Variants in LGR5 observed in about 807,000 individuals in gnomAD.
LGR5 encodes the protein leucine rich repeat containing G protein-coupled receptor 5.
In LGR5, 54 loss-of-function variants were observed where a neutral mutation model predicts 76.7. That is an observed-to-expected ratio of 0.70 (90% CI 0.57 to 0.88). The LOEUF (loss-of-function observed/expected upper bound fraction) is 0.88. Ranked by LOEUF, LGR5 falls within the 40% of genes least tolerant of loss-of-function variation. LGR5 has a pLI of 0.00. For missense variants in LGR5, 1,078 were observed against 1,073.3 expected, an observed-to-expected ratio of 1.00 and a Z score of -0.06; for synonymous variants, 406 against 421.9, an observed-to-expected ratio of 0.96 and a Z score of 0.46.
At chr12:71,560,022 C>A (rs747176308) in intron 7 of LGR5, among the ~76,000 whole-genome samples, 7 of 152,114 alleles carry the variant, frequency 4.6e-5, no homozygotes, top group Non-Finnish European at 7.3e-5. Context: ...AGAACTTGAA[C>A]ATTTCTGGGT....
chr12:71,479,821 A>G (rs1054877249), intron 1 of LGR5, among the ~76,000 whole-genome samples: 1 of 126,082 alleles, frequency 7.9e-6, no homozygotes, highest in African/African-American at 2.9e-5. Flanking sequence ...AACCAAGGTA[A>G]TGGAGGGATG....
chr12:71,493,881 A>G (rs1009482301), intron 1 of LGR5, among the ~76,000 whole-genome samples: 1 of 145,174 alleles, frequency 6.9e-6, no homozygotes, highest in Non-Finnish European at 1.5e-5. Flanking sequence ...TGATCCTCCC[A>G]TCTCGGCCTA....
At chr12:71,439,548 C>T (rs1480412310), upstream of LGR5, among the ~76,000 whole-genome samples, 4 of 152,032 alleles carry the variant, frequency 2.6e-5, no homozygotes, top group African/African-American at 7.2e-5. Flanking sequence ...GTCCCCTATT[C>T]CGGCGCGCGG....
At chr12:71,524,568 C>G in intron 3 of LGR5, 91 bp downstream of exon 3, 1 of 792,564 alleles carries the variant, frequency 1.3e-6, no homozygotes, top group South Asian at 1.7e-5. Flanking sequence ...CTCTAATACA[C>G]TATTTAAATC....
intron 13 of LGR5, among the ~76,000 whole-genome samples, chr12:71,576,302 G>C (rs1878854245): frequency 6.6e-6 from 1 of 152,162 alleles, no homozygotes; most frequent in African/African-American, 2.4e-5. Flanking sequence ...ATAGGTGTTG[G>C]CAGGGAGCAA....
At chr12:71,495,133 A>G (rs1360506535) in intron 1 of LGR5, among the ~76,000 whole-genome samples, 13 of 151,194 alleles carry the variant, frequency 8.6e-5, no homozygotes, top group Non-Finnish European at 4.4e-5. Flanking sequence ...GAAAATCTAA[A>G]GCACAGCAAA....
At chr12:71,566,381 A>G in intron 8 of LGR5, 23 bp from the exon 9 acceptor site, 1 of 1,470,352 alleles carries the variant, frequency 6.8e-7, no homozygotes, top group Non-Finnish European at 9.5e-7. Flanking sequence ...TAAGATATTA[A>G]TTGCTGTTTG....
chr12:71,481,864 A>G (rs1412416520), intron 1 of LGR5, among the ~76,000 whole-genome samples: 2 of 152,118 alleles, frequency 1.3e-5, no homozygotes, highest in African/African-American at 4.8e-5. Context: ...TTATGGAACC[A>G]TTAGGTGCAG....
intron 8 of LGR5, among the ~76,000 whole-genome samples, chr12:71,563,760 G>C (rs1160413691): frequency 6.6e-6 from 1 of 152,094 alleles, no homozygotes; most frequent in African/African-American, 2.4e-5. Context: ...ACATATGAGA[G>C]AGTTCCCTCC....
At chr12:71,498,935 C>T (rs536136674) in intron 1 of LGR5, among the ~76,000 whole-genome samples, 1 of 152,302 alleles carries the variant, frequency 6.6e-6, no homozygotes, top group Non-Finnish European at 1.5e-5. Context: ...GGTAAAGGCT[C>T]GCAGCAGTTC....
intron 3 of LGR5, among the ~76,000 whole-genome samples, chr12:71,527,265 A>G (rs915787282): frequency 6.6e-6 from 1 of 152,200 alleles, no homozygotes; most frequent in Non-Finnish European, 1.5e-5. Flanking sequence ...ATATTTTTAA[A>G]GTATTTTGGT....
At chr12:71,572,019 G>A (rs1302561637) in intron 12 of LGR5, among the ~76,000 whole-genome samples, 1 of 151,306 alleles carries the variant, frequency 6.6e-6, no homozygotes, top group African/African-American at 2.4e-5. Context: ...GCTACAGATG[G>A]TACTTATGCA....
chr12:71,447,422 T>C (rs1015913360), intron 1 of LGR5, among the ~76,000 whole-genome samples: 3 of 152,214 alleles, frequency 2.0e-5, no homozygotes, highest in Admixed American at 1.3e-4. Flanking sequence ...GAAAAAACAG[T>C]ACTGATGTTT....
rs571410614 is a variant in LGR5 at position 71,585,484 on chromosome 12, T to G, written c.*750T>G. 6.6e-6 allele frequency: 1 copy of G among 152,340 alleles called. No homozygotes were observed. The highest frequency in any genetic ancestry group is 2.1e-4 in the South Asian group (1 of 4,830). 9.4% of individuals were successfully genotyped at this position (152,340 alleles called of 1,614,324 possible). Reference sequence around the variant, plus strand: ...ACAGGTGACGTATGTCTTATCTGATTTGTTTTTAACTCCTTGGTGCCCAAA... The same window carrying G: ...ACAGGTGACGTATGTCTTATCTGATGTGTTTTTAACTCCTTGGTGCCCAAA... On this transcript the variant is annotated 3_prime_UTR_variant, in exon 18 of 18. Coordinates refer to ENST00000266674, the MANE Select transcript of LGR5 (RefSeq NM_003667.4).
At chr12:71,549,407 T>C (rs1188796175) in intron 4 of LGR5, among the ~76,000 whole-genome samples, 1 of 152,154 alleles carries the variant, frequency 6.6e-6, no homozygotes, top group African/African-American at 2.4e-5. Flanking sequence ...AATAATAATA[T>C]ATTGTATACT....
intron 3 of LGR5, among the ~76,000 whole-genome samples, chr12:71,533,859 A>G (rs1425889917): frequency 6.6e-6 from 1 of 152,234 alleles, no homozygotes; most frequent in Non-Finnish European, 1.5e-5. Flanking sequence ...TTGAGAATCC[A>G]TATTCTTAAC....
chr12:71,541,194 G>A (rs569794224), intron 4 of LGR5, among the ~76,000 whole-genome samples: 2 of 152,290 alleles, frequency 1.3e-5, no homozygotes, highest in Admixed American at 6.5e-5. Flanking sequence ...AACAGGAAAA[G>A]CTCCTTCTAC....
chr12:71,566,958 A>G (rs1299173631), intron 11 of LGR5, 46 bp downstream of exon 11: 54 of 1,353,620 alleles, frequency 4.0e-5, no homozygotes, highest in Non-Finnish European at 5.6e-5. Flanking sequence ...GGCAACTTCC[A>G]TTTAGGGGTG....
At chr12:71,579,492 AT>A (rs964150285) in intron 15 of LGR5, among the ~76,000 whole-genome samples, 3 of 152,116 alleles carry the variant, frequency 2.0e-5, no homozygotes, top group Non-Finnish European at 4.4e-5. Flanking sequence ...CTTTTTTTTA[AT>A]TTTTAATGTT....
Sources: gnomAD v4.1 joint callset for allele counts (sites outside exome capture counted in the v4.1 genomes callset) on GRCh38, gnomAD v4.1.1 for gene constraint, MANE v1.5 for transcripts, NCBI Gene and HGNC (gene_info 2026-07-23, HGNC 2026-07-21) for gene names.